PID1: variants seen among roughly 807,000 people sequenced by gnomAD.
The protein encoded by PID1 is PTB-containing, cubilin and LRP1-interacting protein.
In PID1, 10 loss-of-function variants were observed where a neutral mutation model predicts 19.1. The ratio of observed to expected loss-of-function variants is 0.52; its 90% CI spans 0.32 to 0.89. The LOEUF (loss-of-function observed/expected upper bound fraction) is 0.89, where lower values mean the gene tolerates loss of function less well. Ranked by LOEUF, PID1 falls within the 40% of genes least tolerant of loss-of-function variation. The pLI is 0.03. For missense variants in PID1, 248 were observed against 285.3 expected (o/e 0.87, Z 0.94); for synonymous variants, 130 against 116.0 (o/e 1.12, Z -0.78).
intron 2 of PID1, among the ~76,000 whole-genome samples, chr2:229,062,591 T>C (rs1158870280): frequency 1.3e-5 from 2 of 151,880 alleles, no homozygotes; most frequent in African/African-American, 4.8e-5. Flanking sequence ...CTGGTGATGA[T>C]GATTACCAAA....
At chr2:229,231,125 A>G (rs1559295507) in intron 1 of PID1, among the ~76,000 whole-genome samples, 1 of 152,132 alleles carries the variant, frequency 6.6e-6, no homozygotes, top group African/African-American at 2.4e-5. Context: ...ACAGTGGCCA[A>G]CACATCTGTG....
intron 1 of PID1, among the ~76,000 whole-genome samples, chr2:229,200,939 A>G (rs1288523905): frequency 6.6e-6 from 1 of 152,054 alleles, no homozygotes; most frequent in East Asian, 1.9e-4. Context: ...ATGGACACCA[A>G]CGCATTAACA....
At chr2:229,090,701 G>A (rs1205737130) in intron 2 of PID1, among the ~76,000 whole-genome samples, 1 of 152,172 alleles carries the variant, frequency 6.6e-6, no homozygotes, top group African/African-American at 2.4e-5. Flanking sequence ...CAGCAAACTA[G>A]GGATGCAATG....
In PID1 at chr2:229,236,790, T is replaced by C. The variant is rs983218223; in HGVS notation, c.30+34224A>G. ...TTACAGAAGACAGATAAAGCCACAG[T>C]AATTATCACAGAGCAGGGTAGGCAA... On this transcript the variant is annotated intron_variant, in intron 1 of 2. Transcript: ENST00000392055. Among the ~76,000 whole-genome samples the C allele has an allele frequency of 7.2e-5, 11 of 152,014 alleles. No homozygotes were observed. The East Asian group carries it at 1.9e-3, about 27-fold the overall frequency.
At chr2:229,127,224 C>T (rs1019297033) in intron 2 of PID1, among the ~76,000 whole-genome samples, 10 of 152,200 alleles carry the variant, frequency 6.6e-5, no homozygotes, top group Non-Finnish European at 1.5e-4. Flanking sequence ...CCCCCTCTCT[C>T]TTGCTGGCTG....
intron 2 of PID1, among the ~76,000 whole-genome samples, chr2:229,139,057 G>GAGAAAGAA (rs10701076): frequency 0.018 from 807 of 45,424 alleles, 40 homozygotes; most frequent in Middle Eastern, 0.041. Context: ...AAGAAAGAAA[G>GAGAAAGAA]AGAAAGAAAG....
intron 2 of PID1, among the ~76,000 whole-genome samples, chr2:229,077,401 A>G (rs1015726906): frequency 6.6e-6 from 1 of 152,084 alleles, no homozygotes; most frequent in African/African-American, 2.4e-5. Flanking sequence ...AGATCCCATT[A>G]GTCAATTTTG....
At chr2:229,104,189 T>C (rs1427589796) in intron 2 of PID1, among the ~76,000 whole-genome samples, 2 of 152,212 alleles carry the variant, frequency 1.3e-5, no homozygotes, top group East Asian at 3.9e-4. Context: ...TGCCATGTCA[T>C]TGGCTTATCT....
intron 1 of PID1, among the ~76,000 whole-genome samples, chr2:229,257,466 C>T (rs542912484): frequency 1.3e-5 from 2 of 152,130 alleles, no homozygotes; most frequent in Non-Finnish European, 2.9e-5. Flanking sequence ...CCTTCACCCT[C>T]AAAATAGAGT....
chr2:229,180,629 G>T (rs1036535018), intron 1 of PID1, among the ~76,000 whole-genome samples: 1 of 152,190 alleles, frequency 6.6e-6, no homozygotes, highest in Non-Finnish European at 1.5e-5. Context: ...GCCCTCTGAA[G>T]GGGTGGGTTG....
intron 1 of PID1, among the ~76,000 whole-genome samples, chr2:229,228,530 T>C (rs1692132051): frequency 6.6e-6 from 1 of 152,216 alleles, no homozygotes; most frequent in African/African-American, 2.4e-5. Context: ...TTTAAAAGCA[T>C]GGTGAGAAAT....
intron 2 of PID1, among the ~76,000 whole-genome samples, chr2:229,043,273 T>G (rs1693809480): frequency 6.6e-6 from 1 of 152,026 alleles, no homozygotes; most frequent in South Asian, 2.1e-4. Flanking sequence ...CCCAAAGTGC[T>G]GAGATTACAG....
At chr2:229,233,987 C>A (rs1692271272) in intron 1 of PID1, among the ~76,000 whole-genome samples, 1 of 152,136 alleles carries the variant, frequency 6.6e-6, no homozygotes, top group Non-Finnish European at 1.5e-5. Flanking sequence ...CTAAGACGTA[C>A]AGAAAATACC....
intron 2 of PID1, among the ~76,000 whole-genome samples, chr2:229,074,653 T>G (rs1265681287): frequency 1.3e-5 from 2 of 152,172 alleles, no homozygotes; most frequent in African/African-American, 4.8e-5. Flanking sequence ...TTATCTATAT[T>G]TAAATAGTTT....
intron 2 of PID1, among the ~76,000 whole-genome samples, chr2:229,137,435 G>T (rs999092496): frequency 2.0e-5 from 3 of 152,178 alleles, no homozygotes; most frequent in Non-Finnish European, 4.4e-5. Context: ...TCACAGTAAA[G>T]ATGACATTTA....
chr2:229,113,386 T>TCA (rs1173127039), intron 2 of PID1, among the ~76,000 whole-genome samples: 2 of 146,044 alleles, frequency 1.4e-5, no homozygotes, highest in African/African-American at 5.0e-5. Context: ...CTACTATTTT[T>TCA]TATATATATT....
chr2:229,158,839 A>G (rs1246886633), intron 1 of PID1, among the ~76,000 whole-genome samples: 2 of 152,136 alleles, frequency 1.3e-5, no homozygotes, highest in Non-Finnish European at 2.9e-5. Context: ...AAAGACAAAC[A>G]TTGCATGTTC....
At chr2:229,158,927 T>C (rs892134070) in intron 1 of PID1, among the ~76,000 whole-genome samples, 1 of 149,582 alleles carries the variant, frequency 6.7e-6, no homozygotes, top group African/African-American at 2.5e-5. Flanking sequence ...TACCAGAGGC[T>C]GTGAAGGGTA....
rs77455004 is a variant in PID1, at chr2:229,163,335, T to G, written c.31-7371A>C. 2.6e-5 allele frequency among the ~76,000 whole-genome samples: 4 copies of G among 152,328 alleles called. No individual in the cohort carries two copies. The East Asian group carries it at 7.7e-4, about 29-fold the overall frequency. On this transcript the variant is annotated intron_variant, in intron 1 of 2. Coordinates refer to ENST00000392055, the MANE Select transcript of PID1 (RefSeq NM_001100818.2). ...TCTTGTTACAATTCATCCTAGTCAC[T>G]GTCTTATTCAAAATAGTTTCAGTTT...
Sources: allele counts gnomAD v4.1 joint callset (sites outside exome capture counted in the v4.1 genomes callset), GRCh38; gene constraint gnomAD v4.1.1; transcripts MANE v1.5; gene names NCBI Gene and HGNC (gene_info 2026-07-23, HGNC 2026-07-21).